PELI2: variants seen among roughly 807,000 people sequenced by gnomAD.
PELI2 encodes pellino E3 ubiquitin protein ligase family member 2, also known as E3 ubiquitin-protein ligase pellino homolog 2.
In PELI2, 23 loss-of-function variants were observed where a neutral mutation model predicts 42.3. The observed-to-expected ratio is 0.54, with a 90% confidence interval of 0.39 to 0.77. The LOEUF is 0.77. PELI2 is among the 30% of genes least tolerant of loss of function. The pLI is 0.00. For missense variants in PELI2, 463 were observed against 553.2 expected (o/e 0.84, Z 1.64); for synonymous variants, 245 against 212.2 (o/e 1.15, Z -1.34).
intron 1 of PELI2, among the ~76,000 whole-genome samples, chr14:56,132,639 G>T (rs1883533500): frequency 6.6e-6 from 1 of 152,134 alleles, no homozygotes; most frequent in Non-Finnish European, 1.5e-5. Context: ...CCTCCATTCA[G>T]ATCAAATCCA....
At chr14:56,229,366 A>G (rs998247806) in intron 2 of PELI2, among the ~76,000 whole-genome samples, 1 of 152,210 alleles carries the variant, frequency 6.6e-6, no homozygotes, top group African/African-American at 2.4e-5. Context: ...GACACCTCAT[A>G]CAGCAGGGTG....
At chr14:56,209,591 G>A (rs1056029700) in intron 2 of PELI2, among the ~76,000 whole-genome samples, 16 of 151,970 alleles carry the variant, frequency 1.1e-4, no homozygotes, top group Admixed American at 9.2e-4. Flanking sequence ...TTTTGTAAGC[G>A]AATAAATGAA....
chr14:56,262,107 T>C (rs187214680), intron 2 of PELI2, among the ~76,000 whole-genome samples: 1 of 152,352 alleles, frequency 6.6e-6, no homozygotes, highest in East Asian at 1.9e-4. Flanking sequence ...TTTCCAAAAG[T>C]ACTAGAAGCA....
chr14:56,242,997 T>C (rs1475690952), intron 2 of PELI2, among the ~76,000 whole-genome samples: 1 of 152,216 alleles, frequency 6.6e-6, no homozygotes. Context: ...CAAAAACTAT[T>C]GAAGCTGAAT....
chr14:56,195,230 T>G (rs1886089985), intron 2 of PELI2, among the ~76,000 whole-genome samples: 2 of 152,212 alleles, frequency 1.3e-5, no homozygotes, highest in Non-Finnish European at 2.9e-5. Context: ...CCCAACCCCC[T>G]TCAAAAGCAT....
intron 2 of PELI2, among the ~76,000 whole-genome samples, chr14:56,189,401 A>G (rs1885881087): frequency 6.6e-6 from 1 of 152,208 alleles, no homozygotes; most frequent in Non-Finnish European, 1.5e-5. Context: ...GAGAGAACAT[A>G]GCTCTTCAAG....
chr14:56,120,572 T>C (rs1883025504), intron 1 of PELI2, among the ~76,000 whole-genome samples: 1 of 152,194 alleles, frequency 6.6e-6, no homozygotes, highest in Admixed American at 6.5e-5. Context: ...AAGTATGACA[T>C]AGTTGGCACT....
chr14:56,253,106 G>A (rs970921440), intron 2 of PELI2, among the ~76,000 whole-genome samples: 1 of 152,144 alleles, frequency 6.6e-6, no homozygotes, highest in African/African-American at 2.4e-5. Context: ...AAAACCACAT[G>A]ATTGTCTCCG....
chr14:56,177,892 C>T (rs1042577322), intron 1 of PELI2, among the ~76,000 whole-genome samples: 2 of 152,138 alleles, frequency 1.3e-5, no homozygotes, highest in Non-Finnish European at 2.9e-5. Context: ...CTGCAGACAA[C>T]ATTAACATGG....
chr14:56,195,880 G>A (rs1886114209), intron 2 of PELI2, among the ~76,000 whole-genome samples: 1 of 152,216 alleles, frequency 6.6e-6, no homozygotes, highest in South Asian at 2.1e-4. Context: ...TGGCAGGTGT[G>A]GTTTCAGGCA....
At chr14:56,223,993 A>G (rs942539698) in intron 2 of PELI2, among the ~76,000 whole-genome samples, 5 of 152,216 alleles carry the variant, frequency 3.3e-5, no homozygotes, top group African/African-American at 1.2e-4. Context: ...CTGAGAGCAA[A>G]TGACTTCATA....
At chr14:56,239,991 G>T (rs960499697) in intron 2 of PELI2, among the ~76,000 whole-genome samples, 6 of 152,176 alleles carry the variant, frequency 3.9e-5, no homozygotes, top group Non-Finnish European at 8.8e-5. Flanking sequence ...TTCAAACTCA[G>T]CCTCCCCTTC....
At chr14:56,211,159 G>A (rs566050939) in intron 2 of PELI2, among the ~76,000 whole-genome samples, 1 of 152,346 alleles carries the variant, frequency 6.6e-6, no homozygotes, top group African/African-American at 2.4e-5. Flanking sequence ...GTGGTCATTT[G>A]CTCCATCACC....
chr14:56,232,130 C>CA (rs36181307), intron 2 of PELI2, among the ~76,000 whole-genome samples: 5 of 151,916 alleles, frequency 3.3e-5, no homozygotes, highest in Non-Finnish European at 7.4e-5. Context: ...GCTTACCAAC[C>CA]AAAAAAAGTC....
intron 2 of PELI2, among the ~76,000 whole-genome samples, chr14:56,265,453 G>A (rs1424784501): frequency 5.3e-5 from 8 of 152,122 alleles, no homozygotes; most frequent in Middle Eastern, 3.4e-3. Context: ...ACTTTTCAGC[G>A]TGTACAAAAA....
chr14:56,192,293 A>G (rs868793559), intron 2 of PELI2, among the ~76,000 whole-genome samples: 1 of 152,132 alleles, frequency 6.6e-6, no homozygotes, highest in Admixed American at 6.5e-5. Flanking sequence ...TTCCCTGTTC[A>G]TCATTTTCTA....
At position 56,300,215 on chromosome 14, in the gene PELI2, GT is replaced by G. The variant is rs900041952; in HGVS notation, c.*3051del. 4 of 152,584 alleles carry G rather than the reference GT, an allele frequency of 2.6e-5. No individual in the cohort carries two copies. The highest frequency in any genetic ancestry group is 9.7e-5 in the African/African-American group (4 of 41,428). The allele number at this position is 152,584 out of a possible 1,614,324, so 9.5% of individuals were successfully genotyped here. A position where few individuals can be genotyped will look rare whatever the true frequency, so the allele number is the denominator to read the frequency against. ...TCAGGGAAGCCACGTGATATAACTG[GT>G]TATAGAATTTCAGGGTTAGGGTTTA... is the stretch of plus-strand genomic sequence containing the variant. On this transcript the variant is annotated 3_prime_UTR_variant, in exon 6 of 6. Transcript: ENST00000267460.
chr14:56,230,334 T>C (rs1887511063), intron 2 of PELI2, among the ~76,000 whole-genome samples: 3 of 152,174 alleles, frequency 2.0e-5, no homozygotes, highest in Admixed American at 2.0e-4. Context: ...GAAAAAATGT[T>C]AAGGGCAGCC....
chr14:56,160,876 C>T (rs143906185), intron 1 of PELI2, among the ~76,000 whole-genome samples: 2 of 152,312 alleles, frequency 1.3e-5, no homozygotes, highest in East Asian at 3.9e-4. Context: ...GGTAAGTTCA[C>T]AGCATCAGCT....
Sources: gnomAD v4.1 joint callset for allele counts (sites outside exome capture counted in the v4.1 genomes callset) on GRCh38, gnomAD v4.1.1 for gene constraint, MANE v1.5 for transcripts, NCBI Gene and HGNC (gene_info 2026-07-23, HGNC 2026-07-21) for gene names.